The following RUVBL1 variants were observed in gnomAD, a reference collection of about 807,000 sequenced individuals.
RUVBL1 encodes ruvB-like 1.
Under a neutral mutation model 52.4 loss-of-function variants are expected in RUVBL1, and 4 were observed. The ratio of observed to expected loss-of-function variants is 0.08; its 90% CI spans 0.04 to 0.17. The LOEUF (loss-of-function observed/expected upper bound fraction) is 0.17. RUVBL1 is among the 10% of genes least tolerant of loss of function. The pLI is 1.00. For synonymous variants in RUVBL1, 217 were observed against 214.4 expected (o/e 1.01, Z -0.10); for missense variants, 298 against 572.8 (o/e 0.52, Z 4.90).
chr3:128,145,229 C>G (rs1486867316), intron 1 of RUVBL1, among the ~76,000 whole-genome samples: 1 of 152,196 alleles, frequency 6.6e-6, no homozygotes, highest in Non-Finnish European at 1.5e-5. Context: ...ATCATCATTA[C>G]CCTGTGAGTT....
At chr3:128,068,133 A>G in intron 9 of RUVBL1, 1 of 1,139,604 alleles carries the variant, frequency 8.8e-7, no homozygotes, top group East Asian at 2.4e-5. Flanking sequence ...GGGCATCCTG[A>G]TAGGCCCTAG....
intron 9 of RUVBL1, among the ~76,000 whole-genome samples, chr3:128,066,207 T>C (rs1034283601): frequency 6.6e-6 from 1 of 152,088 alleles, no homozygotes; most frequent in African/African-American, 2.4e-5. Context: ...TAAGGAACTA[T>C]TATAAGGTGT....
chr3:128,097,183 A>G lies in RUVBL1; in HGVS notation c.1016+117T>C. Reference sequence around the variant, plus strand: ...CCACTTGGCACATTTTCCCTCAAAAACAACATGACCTCCCCTCATCCCTGT... The same window carrying G: ...CCACTTGGCACATTTTCCCTCAAAAGCAACATGACCTCCCCTCATCCCTGT... On this transcript the variant is annotated intron_variant, in intron 8 of 10. Transcript: ENST00000322623. 1.3e-5 allele frequency: 13 copies of G among 1,024,900 alleles called. No individual in the cohort carries two copies. The South Asian group carries it at 1.9e-4, about 15-fold the overall frequency. 63.5% of individuals were successfully genotyped at this position (1,024,900 alleles called of 1,614,324 possible). A position where few individuals can be genotyped will look rare whatever the true frequency, so the allele number is the denominator to read the frequency against.
chr3:128,081,246 C>T lies in RUVBL1; in HGVS notation c.*4G>A. The T allele has an allele frequency of 6.2e-7, 1 of 1,609,720 alleles. No homozygotes were observed. On this transcript the variant is annotated 3_prime_UTR_variant, in exon 11 of 11. Coordinates refer to ENST00000322623, the MANE Select transcript of RUVBL1 (RefSeq NM_003707.3). The surrounding 1 kb of genome is among the most constrained non-coding windows in gnomAD (Gnocchi z 4.8). ...GTCTCTTACTGCTGAAAACCTCAGC[C>T]ATCTCACTTCATGTACTTATCCTGC...
At chr3:128,091,456 TATTAATTTTAAC>T (rs1296763083) in intron 8 of RUVBL1, among the ~76,000 whole-genome samples, 2 of 152,268 alleles carry the variant, frequency 1.3e-5, no homozygotes, top group Non-Finnish European at 2.9e-5. Flanking sequence ...CTCAGTCTAC[TATTAATTTTAAC>T]ATTTTACCAT....
intron 3 of RUVBL1, among the ~76,000 whole-genome samples, chr3:128,106,732 A>G (rs1943251069): frequency 6.6e-6 from 1 of 152,196 alleles, no homozygotes; most frequent in Non-Finnish European, 1.5e-5. Flanking sequence ...ATACATTTAC[A>G]TGTTCTATAT....
At chr3:128,110,497 C>G (rs1943361036) in intron 3 of RUVBL1, among the ~76,000 whole-genome samples, 1 of 151,932 alleles carries the variant, frequency 6.6e-6, no homozygotes, top group Non-Finnish European at 1.5e-5. Context: ...AAATAAGCAC[C>G]AAAAAATCCA....
chr3:128,069,685 G>C (rs763169823), intron 9 of RUVBL1: 2 of 1,609,788 alleles, frequency 1.2e-6, no homozygotes, highest in African/African-American at 1.3e-5. Context: ...GACAGGTTGA[G>C]GAAGCTGCTC....
intron 1 of RUVBL1, among the ~76,000 whole-genome samples, chr3:128,140,232 G>GTTTTTT (rs60288042): frequency 8.5e-6 from 1 of 117,270 alleles, no homozygotes; most frequent in East Asian, 2.2e-4. Flanking sequence ...TTGTTTGTTT[G>GTTTTTT]TTTTTTTTTT....
At chr3:128,139,955 T>C (rs1431277317) in intron 1 of RUVBL1, among the ~76,000 whole-genome samples, 1 of 152,136 alleles carries the variant, frequency 6.6e-6, no homozygotes, top group Non-Finnish European at 1.5e-5. Context: ...TAAAATCTAG[T>C]GTTTGATAGC....
intron 1 of RUVBL1, among the ~76,000 whole-genome samples, chr3:128,135,684 C>T (rs35347185): frequency 0.14 from 21,517 of 152,158 alleles, 1,736 homozygotes; most frequent in African/African-American, 0.21. Context: ...CCAGACTTGT[C>T]CTACAAGAAA....
downstream of RUVBL1, among the ~76,000 whole-genome samples, chr3:128,076,838 G>GCCCGCAC (rs1250440664): frequency 1.3e-5 from 2 of 152,074 alleles, no homozygotes; most frequent in African/African-American, 4.8e-5. This position sits in a 1 kb window ranked among gnomAD's most constrained non-coding sequence, Gnocchi z 6.8. Context: ...CGGCGTCCCA[G>GCCCGCAC]CCCGCACCCC....
rs1442948560 is a variant in RUVBL1 at position 128,082,425 on chromosome 3, C to A, written c.1211+58G>T. 3 of 1,293,828 alleles carry A rather than the reference C, an allele frequency of 2.3e-6. No individual in the cohort carries two copies. Among genetic ancestry groups the A allele is most frequent in the Non-Finnish European group, 3.4e-6 (3 of 890,584 alleles). 80.1% of individuals were successfully genotyped at this position (1,293,828 alleles called of 1,614,324 possible). Reference sequence around the variant, plus strand: ...CCTGCCTTTATTGTCCAGAATGACCCCAGCGAGGGCCCTGGCTGTGCTGGG... The same window carrying A: ...CCTGCCTTTATTGTCCAGAATGACCACAGCGAGGGCCCTGGCTGTGCTGGG... On this transcript the variant is annotated intron_variant, in intron 10 of 10. Transcript: ENST00000322623. This position sits in a 1 kb window ranked among gnomAD's most constrained non-coding sequence, Gnocchi z 4.7.
At chr3:128,139,200 A>G (rs1384131002) in intron 1 of RUVBL1, among the ~76,000 whole-genome samples, 3 of 152,214 alleles carry the variant, frequency 2.0e-5, no homozygotes, top group Non-Finnish European at 4.4e-5. Context: ...AAATGAGATT[A>G]TATAAAGTTA....
intron 6 of RUVBL1, 60 bp from the exon 7 acceptor site, chr3:128,099,005 C>T (rs564249807): frequency 7.3e-7 from 1 of 1,364,498 alleles, no homozygotes; most frequent in African/African-American, 1.4e-5. Flanking sequence ...GAAGCCTCAT[C>T]CCCCTGCATC....
chr3:128,153,561 C>T (rs1944293992), exon 1 of RUVBL1: 2 of 1,534,706 alleles, frequency 1.3e-6, no homozygotes, highest in African/African-American at 1.4e-5. Context: ...ACATCGACAG[C>T]GGCAAGACGG....
intron 9 of RUVBL1, chr3:128,085,171 A>G (rs1942607752): frequency 6.6e-6 from 1 of 152,296 alleles, no homozygotes; most frequent in African/African-American, 2.4e-5. Flanking sequence ...TAATAACAAC[A>G]GCAATGGGAA....
intron 9 of RUVBL1, chr3:128,069,518 G>A (rs375167026): frequency 1.9e-6 from 3 of 1,613,664 alleles, no homozygotes; most frequent in Non-Finnish European, 2.5e-6. Flanking sequence ...TGTGCATCGG[G>A]GCCCTCTCGG....
intron 9 of RUVBL1, among the ~76,000 whole-genome samples, chr3:128,066,112 A>C (rs1941970127): frequency 6.6e-6 from 1 of 151,886 alleles, no homozygotes; most frequent in Non-Finnish European, 1.5e-5. Context: ...ATAAAAATAA[A>C]CCCTTTCTAG....
Sources: allele counts gnomAD v4.1 joint callset (sites outside exome capture counted in the v4.1 genomes callset), GRCh38; gene constraint gnomAD v4.1.1; non-coding constraint Gnocchi (gnomAD v3.1); transcripts MANE v1.5; gene names NCBI Gene and HGNC (gene_info 2026-07-23, HGNC 2026-07-21).